N4BP2L1: variants seen among roughly 807,000 people sequenced by gnomAD.
N4BP2L1 encodes NEDD4-binding protein 2-like 1.
Under a neutral mutation model 21.2 loss-of-function variants are expected in N4BP2L1, and 12 were observed. The ratio of observed to expected loss-of-function variants is 0.57; its 90% CI spans 0.36 to 0.92. The LOEUF (loss-of-function observed/expected upper bound fraction) is 0.92. Ranked by LOEUF, N4BP2L1 falls within the 40% of genes least tolerant of loss-of-function variation. The pLI is 0.01. For synonymous variants in N4BP2L1, 104 were observed against 112.8 expected (o/e 0.92, Z 0.49); for missense variants, 259 against 310.6 (o/e 0.83, Z 1.25).
chr13:32,417,278 G>A (rs1290556904), intron 1 of N4BP2L1, among the ~76,000 whole-genome samples: 1 of 152,178 alleles, frequency 6.6e-6, no homozygotes, highest in Non-Finnish European at 1.5e-5. Context: ...TAATCCCCAT[G>A]TGTCATGGGA....
chr13:32,427,478 A>C (rs911630942), intron 1 of N4BP2L1, among the ~76,000 whole-genome samples: 5 of 152,204 alleles, frequency 3.3e-5, no homozygotes, highest in Non-Finnish European at 5.9e-5. Flanking sequence ...TTCCCGAAGA[A>C]GAGTCCCTCC....
At position 32,407,869 on chromosome 13, in the gene N4BP2L1, A is replaced by C. The variant is rs206318; in HGVS notation, c.180-97T>G. ...CCATCTCTAACATTTAGCAGTTTAT[A>C]ATTCTGAGACCACCAGGTTTGGAGT... On this transcript the variant is annotated intron_variant, in intron 1 of 4. Coordinates refer to ENST00000380130, the MANE Select transcript of N4BP2L1 (RefSeq NM_052818.3). The C allele has an allele frequency of 5.9e-3, 8,071 of 1,368,310 alleles. 407 individuals are homozygous for C. The African/African-American group carries it at 0.1, about 17-fold the overall frequency. 84.8% of individuals were successfully genotyped at this position (1,368,310 alleles called of 1,614,324 possible). A position where few individuals can be genotyped will look rare whatever the true frequency, so the allele number is the denominator to read the frequency against.
At chr13:32,422,379 A>G (rs2074531669) in intron 1 of N4BP2L1, among the ~76,000 whole-genome samples, 1 of 152,166 alleles carries the variant, frequency 6.6e-6, no homozygotes, top group African/African-American at 2.4e-5. Flanking sequence ...AGGAGAACAC[A>G]TCCCTTTGAC....
intron 4 of N4BP2L1, chr13:32,403,571 T>C (rs1016769079): frequency 6.9e-6 from 3 of 436,708 alleles, no homozygotes; most frequent in Non-Finnish European, 9.2e-6. Context: ...CCCTGAGATA[T>C]ATTTCTAGGA....
intron 1 of N4BP2L1, chr13:32,420,534 T>C (rs2074411825): frequency 1.3e-5 from 2 of 152,200 alleles, no homozygotes; most frequent in Non-Finnish European, 2.9e-5. Context: ...TTCTTCTTAC[T>C]GTAACTATGA....
At chr13:32,414,369 A>C (rs2074018412) in intron 1 of N4BP2L1, among the ~76,000 whole-genome samples, 2 of 152,196 alleles carry the variant, frequency 1.3e-5, no homozygotes, top group South Asian at 4.1e-4. Flanking sequence ...TTTAATTATC[A>C]GCAATATTAG....
Position 32,407,532 on chromosome 13 carries a change from A to G in N4BP2L1, c.307+113T>C, listed in dbSNP as rs556077032. 7 of 1,597,536 alleles carry G rather than the reference A, an allele frequency of 4.4e-6. 1 individual carries two copies. The South Asian group carries it at 7.8e-5, about 18-fold the overall frequency. On this transcript the variant is annotated intron_variant, in intron 2 of 4. Transcript: ENST00000380130. ...TGCTCTGGTGTTCTGTTTTGGGGGA[A>G]AAATTGGCAGAACTTTCGGTTAAAC...
In N4BP2L1 at chr13:32,404,546, A is replaced by T. The variant is rs1445999764; in HGVS notation, c.397-149T>A. The T allele has an allele frequency of 4.8e-6, 3 of 629,034 alleles. No individual in the cohort carries two copies. In the East Asian group the frequency reaches 8.3e-5, roughly 17 times the overall value. The allele number at this position is 629,034 out of a possible 1,614,324, so 39.0% of individuals were successfully genotyped here. A position where few individuals can be genotyped will look rare whatever the true frequency, so the allele number is the denominator to read the frequency against. ...TGCCTTAATTTATCACAATAAATGC[A>T]GTTGTTTCATTCCCATACTTAGCCA... On this transcript the variant is annotated intron_variant, in intron 3 of 4. Transcript: ENST00000380130.
At chr13:32,425,896 C>T (rs995808179) in intron 1 of N4BP2L1, 1 of 152,036 alleles carries the variant, frequency 6.6e-6, no homozygotes, top group African/African-American at 2.4e-5. Context: ...TAGTAAGTGA[C>T]GAAGTAGGTC....
intron 1 of N4BP2L1, chr13:32,416,373 C>T (rs955633693): frequency 4.6e-5 from 7 of 152,200 alleles, no homozygotes; most frequent in African/African-American, 7.2e-5. Flanking sequence ...GCCCCAGAGC[C>T]GCACACTAAA....
chr13:32,415,085 A>G (rs1278116282), intron 1 of N4BP2L1, among the ~76,000 whole-genome samples: 2 of 152,224 alleles, frequency 1.3e-5, no homozygotes, highest in East Asian at 3.8e-4. Context: ...TAAAATGTCT[A>G]TATCTTGTGT....
chr13:32,407,487 T>C, intron 2 of N4BP2L1, 149 bp from the exon 3 acceptor site: 1 of 1,576,852 alleles, frequency 6.3e-7, no homozygotes, highest in Non-Finnish European at 8.6e-7. Flanking sequence ...ATTTTCTTTC[T>C]CTGGAATCTA....
At chr13:32,403,999 C>T (rs761637377) in intron 4 of N4BP2L1, among the ~76,000 whole-genome samples, 1 of 152,110 alleles carries the variant, frequency 6.6e-6, no homozygotes, top group Non-Finnish European at 1.5e-5. Flanking sequence ...AATGCAAAAA[C>T]ACCATTGACA....
At chr13:32,406,899 C>T (rs1000948905) in intron 3 of N4BP2L1, 1 of 238,270 alleles carries the variant, frequency 4.2e-6, no homozygotes, top group Non-Finnish European at 8.3e-6. Context: ...CCACTACGAG[C>T]GCCATCTAAT....
At chr13:32,417,738 G>C (rs1205898016) in intron 1 of N4BP2L1, among the ~76,000 whole-genome samples, 1 of 152,170 alleles carries the variant, frequency 6.6e-6, no homozygotes, top group Non-Finnish European at 1.5e-5. Context: ...GAATGGCTTT[G>C]ACCAAAATGC....
At chr13:32,413,407 T>G (rs952265754) in intron 1 of N4BP2L1, among the ~76,000 whole-genome samples, 9 of 152,240 alleles carry the variant, frequency 5.9e-5, no homozygotes, top group Non-Finnish European at 1.2e-4. Context: ...TCTGGGTTTG[T>G]GTGGTTGTTT....
At position 32,419,412 on chromosome 13, in the gene N4BP2L1, A is replaced by ATTTTTTT. The variant is rs71071039; in HGVS notation, c.179+8485_179+8491dup. The ATTTTTTT allele has an allele frequency of 1.2e-3, 336 of 284,658 alleles. 4 individuals carry two copies. The highest frequency in any genetic ancestry group is 1.4e-3 in the Middle Eastern group (1 of 692). 17.6% of individuals were successfully genotyped at this position (284,658 alleles called of 1,614,324 possible). ...GGGTGCTTGCCACCATGCTTGGCTA[A>ATTTTTTT]TTTTTTTTTTTTTTTTTTTTTTTTT... On this transcript the variant is annotated intron_variant, in intron 1 of 4. Transcript: ENST00000380130.
rs138167620 is a variant in N4BP2L1 at position 32,402,961 on chromosome 13, C to A, written c.713G>T (p.Gly238Val). The change falls in exon 5 of 5, where the codon GGT (glycine) becomes GTT (valine). Residue 238 changes from glycine to valine, a missense_variant. By Grantham distance (109) the Gly-to-Val change is moderately radical (BLOSUM62 -3). Coordinates refer to ENST00000380130, the MANE Select transcript of N4BP2L1 (RefSeq NM_052818.3). ...AGGCCTCTAATATCCATGGTGACAA[C>A]CGCCCCTTCTGTGATAGGAGCTCTC... Reference protein sequence around the residue: ...TNESSYHRRGGCHHGY With the variant: ...TNESSYHRRGVCHHGY The A allele has an allele frequency of 2.5e-5, 41 of 1,608,382 alleles. No individual in the cohort carries two copies. Among genetic ancestry groups the A allele is most frequent in the Non-Finnish European group, 3.1e-5 (37 of 1,176,142 alleles).
intron 4 of N4BP2L1, chr13:32,404,112 A>T (rs1361290080): frequency 6.4e-7 from 1 of 1,562,856 alleles, no homozygotes; most frequent in African/African-American, 1.4e-5. Flanking sequence ...GTCCAAGCCA[A>T]GATTTAGCAT....
Sources: allele counts gnomAD v4.1 joint callset (sites outside exome capture counted in the v4.1 genomes callset), GRCh38; gene constraint gnomAD v4.1.1; transcripts MANE v1.5; gene names NCBI Gene and HGNC (gene_info 2026-07-23, HGNC 2026-07-21).